The following CBR4 variants were observed in gnomAD, a reference collection of about 807,000 sequenced individuals.
CBR4 encodes carbonyl reductase 4, also known as 3-oxoacyl-[acyl-carrier-protein] reductase.
CBR4 carries 22 observed loss-of-function variants against 21.0 expected under a neutral mutation model. The ratio of observed to expected loss-of-function variants is 1.05; its 90% confidence interval spans 0.75 to 1.50. The LOEUF (loss-of-function observed/expected upper bound fraction) is 1.50, where lower values mean the gene tolerates loss of function less well. CBR4 is among the 40% of genes most tolerant of loss of function. The pLI is 0.00. For missense variants in CBR4, 302 were observed against 286.3 expected (o/e 1.05, Z -0.40); for synonymous variants, 100 against 104.4 (o/e 0.96, Z 0.26).
Position 168,933,176 on chromosome 4 carries a change from T to G in CBR4, n.170-38411A>C, listed in dbSNP as rs143204123. ...AGTCCTCACCTACCAATAAATAACC[T>G]TGAATGTAAATAAATTAAATTCCCC... On this transcript the variant is annotated intron_variant and non_coding_transcript_variant, in intron 2 of 3. Transcript: ENST00000509108. Among the ~76,000 whole-genome samples, 67 of 152,236 alleles carry G rather than the reference T, an allele frequency of 4.4e-4. No homozygotes were observed. The East Asian group carries it at 0.013, about 28-fold the overall frequency.
intron 2 of CBR4, among the ~76,000 whole-genome samples, chr4:168,965,626 A>C (rs892649506): frequency 3.3e-5 from 5 of 152,218 alleles, no homozygotes; most frequent in Non-Finnish European, 5.9e-5. Flanking sequence ...TCTTTGACAA[A>C]CCTGACAAAA....
At chr4:168,896,761 A>G (rs536408452) in intron 2 of CBR4, among the ~76,000 whole-genome samples, 1 of 152,318 alleles carries the variant, frequency 6.6e-6, no homozygotes, top group African/African-American at 2.4e-5. Flanking sequence ...AAATTACTGC[A>G]ACATGAGTTT....
At chr4:168,950,224 G>A (rs975132142) in intron 2 of CBR4, among the ~76,000 whole-genome samples, 2 of 151,900 alleles carry the variant, frequency 1.3e-5, no homozygotes, top group African/African-American at 4.8e-5. Flanking sequence ...AATGTCTGTT[G>A]TGCTCTGTTA....
chr4:168,918,892 C>G (rs1462497609), intron 2 of CBR4, among the ~76,000 whole-genome samples: 1 of 151,742 alleles, frequency 6.6e-6, no homozygotes, highest in Non-Finnish European at 1.5e-5. Flanking sequence ...TTAGATTATA[C>G]CAAAGAATTA....
At chr4:168,920,967 A>G (rs1001413645) in intron 2 of CBR4, among the ~76,000 whole-genome samples, 2 of 152,152 alleles carry the variant, frequency 1.3e-5, no homozygotes, top group Non-Finnish European at 2.9e-5. Flanking sequence ...GCAAGGTAAG[A>G]CCATGACAGC....
intron 2 of CBR4, among the ~76,000 whole-genome samples, chr4:168,956,621 A>C (rs1377099849): frequency 6.6e-6 from 1 of 151,188 alleles, no homozygotes; most frequent in African/African-American, 2.4e-5. Flanking sequence ...AAAAAAAAAA[A>C]AAAAAACAGA....
At chr4:168,955,953 G>A (rs1261531885) in intron 2 of CBR4, among the ~76,000 whole-genome samples, 1 of 152,002 alleles carries the variant, frequency 6.6e-6, no homozygotes, top group African/African-American at 2.4e-5. Flanking sequence ...TAACCTATGG[G>A]CACAAATATT....
rs1408468137 is a variant in CBR4 at position 168,987,762 on chromosome 4, A to G, written c.*2388T>C. ...GTAGTCTTCTCTCTTTATTCTGAAT[A>G]ACAGAAGCACGTAAATTAAATTATC... On this transcript the variant is annotated 3_prime_UTR_variant, in exon 5 of 5. Transcript: ENST00000306193. The G allele has an allele frequency of 2.7e-5, 27 of 984,986 alleles. No individual in the cohort carries two copies. Among genetic ancestry groups the G allele is most frequent in the Non-Finnish European group, 3.3e-5 (27 of 829,628 alleles). The allele number at this position is 984,986 out of a possible 1,614,324, so 61.0% of individuals were successfully genotyped here.
intron 2 of CBR4, among the ~76,000 whole-genome samples, chr4:168,978,141 T>G (rs577649867): frequency 6.6e-6 from 1 of 152,210 alleles, no homozygotes; most frequent in Non-Finnish European, 1.5e-5. Context: ...CATACCCATG[T>G]TCTCCTCCTC....
chr4:168,943,158 T>TG (rs1763308184), intron 2 of CBR4, among the ~76,000 whole-genome samples: 1 of 152,192 alleles, frequency 6.6e-6, no homozygotes, highest in Non-Finnish European at 1.5e-5. Context: ...CAGAGATATC[T>TG]GCACCCTACT....
chr4:168,951,472 T>C (rs1763539914), intron 2 of CBR4, among the ~76,000 whole-genome samples: 1 of 152,158 alleles, frequency 6.6e-6, no homozygotes, highest in Non-Finnish European at 1.5e-5. Flanking sequence ...TGGTTTTTTG[T>C]TTTTGCTTTT....
intron 3 of CBR4, chr4:168,894,515 A>C (rs1581956225): frequency 4.1e-6 from 4 of 973,150 alleles, no homozygotes; most frequent in South Asian, 1.4e-5. Context: ...ACTCTTTTTC[A>C]TAGGGCAGTA....
intron 2 of CBR4, among the ~76,000 whole-genome samples, chr4:168,945,151 A>T (rs1763369398): frequency 1.3e-5 from 2 of 152,148 alleles, no homozygotes; most frequent in Non-Finnish European, 2.9e-5. Flanking sequence ...AAATTCCTGA[A>T]CACTACCCCA....
Position 168,989,984 on chromosome 4 carries a change from G to C in CBR4, c.*166C>G. 1 of 1,199,402 alleles carries C rather than the reference G, an allele frequency of 8.3e-7. No individual in the cohort carries two copies. The highest frequency in any genetic ancestry group is 4.3e-5 in the Admixed American group (1 of 23,086). 74.3% of individuals were successfully genotyped at this position (1,199,402 alleles called of 1,614,324 possible). ...ACCAAAAAAAAAAAAACCACAATTT[G>C]TCACACATTGTTCTTTTGAGACATA... On this transcript the variant is annotated 3_prime_UTR_variant, in exon 5 of 5. Transcript: ENST00000306193.
At chr4:168,992,238 C>A (rs1437249043) in intron 4 of CBR4, among the ~76,000 whole-genome samples, 1 of 152,124 alleles carries the variant, frequency 6.6e-6, no homozygotes, top group African/African-American at 2.4e-5. Context: ...TATGATACAG[C>A]CATACAACAG....
At chr4:168,975,378 G>A (rs1221937993) in intron 2 of CBR4, among the ~76,000 whole-genome samples, 1 of 152,206 alleles carries the variant, frequency 6.6e-6, no homozygotes, top group African/African-American at 2.4e-5. Context: ...TTGAATGCTG[G>A]TTATGTTAGC....
intron 2 of CBR4, among the ~76,000 whole-genome samples, chr4:168,903,377 T>C (rs1756959940): frequency 6.6e-6 from 1 of 152,066 alleles, no homozygotes; most frequent in Non-Finnish European, 1.5e-5. Flanking sequence ...GCTGGTACAT[T>C]TGAAAAAAGA....
At chr4:169,007,518 T>C (rs1579033299) in intron 2 of CBR4, 118 bp downstream of exon 2, 3 of 515,934 alleles carry the variant, frequency 5.8e-6, no homozygotes, top group Non-Finnish European at 9.2e-6. Context: ...AGTTTTAAAA[T>C]AGTTTTTTCT....
At chr4:168,967,327 C>T (rs924321984) in intron 2 of CBR4, among the ~76,000 whole-genome samples, 7 of 150,836 alleles carry the variant, frequency 4.6e-5, no homozygotes, top group African/African-American at 9.8e-5. Flanking sequence ...GGACACAGGG[C>T]GGGGAACATT....
Sources: gnomAD v4.1 joint callset for allele counts (sites outside exome capture counted in the v4.1 genomes callset) on GRCh38, gnomAD v4.1.1 for gene constraint, MANE v1.5 for transcripts, NCBI Gene and HGNC (gene_info 2026-07-23, HGNC 2026-07-21) for gene names.